KSR1: variants seen among roughly 807,000 people sequenced by gnomAD.
KSR1 encodes kinase suppressor of ras 1, also known as kinase suppressor of ras.
KSR1 carries 35 observed loss-of-function variants against 92.9 expected under a neutral mutation model. The observed-to-expected ratio is 0.38, with a 90% CI of 0.29 to 0.50. KSR1 has a LOEUF of 0.50. KSR1 is among the 20% of genes least tolerant of loss of function. The probability of loss-of-function intolerance (pLI) is 0.94; values close to 1 mark genes in which losing one functional copy is unlikely to be tolerated. For synonymous variants in KSR1, 467 were observed against 472.6 expected, an observed-to-expected ratio of 0.99 and a Z score of 0.15; for missense variants, 972 against 1,158.5, an observed-to-expected ratio of 0.84 and a Z score of 2.34.
intron 4 of KSR1, among the ~76,000 whole-genome samples, chr17:27,584,698 G>A (rs572972318): frequency 1.3e-4 from 20 of 152,286 alleles, no homozygotes; most frequent in African/African-American, 4.6e-4. Context: ...CTGGGATTCT[G>A]AGTCCAGTCC....
At chr17:27,501,065 TG>T (rs1299975372) in intron 1 of KSR1, among the ~76,000 whole-genome samples, 1 of 152,142 alleles carries the variant, frequency 6.6e-6, no homozygotes, top group African/African-American at 2.4e-5. Context: ...CCAAAGGCTG[TG>T]GGAGTCTGTA....
rs55706224 is a variant in KSR1, at chr17:27,526,094, T to TTCTTTCTTTCTTTCTTTCTCTC, written c.232-24471_232-24470insTTCTTTCTTTCTTTCTCTCTCT. On this transcript the variant is annotated intron_variant, in intron 1 of 20. Coordinates refer to ENST00000644974, the MANE Select transcript of KSR1 (RefSeq NM_001394583.1). ...TCTCTTTCTTTCTTTCTTTCTTTCT[T>TTCTTTCTTTCTTTCTTTCTCTC]TCTCTCTCTCTCTCTCTCTCTCTCA... Among the ~76,000 whole-genome samples the TTCTTTCTTTCTTTCTTTCTCTC allele has an allele frequency of 9.0e-4, 107 of 118,436 alleles. 2 individuals carry two copies. Among genetic ancestry groups the TTCTTTCTTTCTTTCTTTCTCTC allele is most frequent in the Non-Finnish European group, 1.5e-3 (88 of 59,350 alleles). The allele number at this position is 118,436 out of a possible 152,430, so 77.7% of individuals were successfully genotyped here. A position where few individuals can be genotyped will look rare whatever the true frequency, so the allele number is the denominator to read the frequency against.
chr17:27,514,004 C>T (rs572301421), intron 1 of KSR1, among the ~76,000 whole-genome samples: 10 of 152,368 alleles, frequency 6.6e-5, no homozygotes, highest in Admixed American at 2.0e-4. Flanking sequence ...CCACTGCTTG[C>T]GGTGCAGCTA....
At chr17:27,526,044 T>TTTCTTTTCTTTTCTTTCTC (rs1555576232) in intron 1 of KSR1, among the ~76,000 whole-genome samples, 3 of 122,878 alleles carry the variant, frequency 2.4e-5, no homozygotes, top group East Asian at 2.3e-4. Flanking sequence ...TTTCTTTTCT[T>TTTCTTTTCTTTTCTTTCTC]TCTCTCTCTC....
At chr17:27,604,549 G>A (rs2073683216) in intron 12 of KSR1, 131 bp from the exon 13 acceptor site, 15 of 839,996 alleles carry the variant, frequency 1.8e-5, no homozygotes, top group Admixed American at 3.9e-5. Context: ...TGCTATCCAC[G>A]CGGCCTTTCC....
chr17:27,513,219 G>A (rs192347761), intron 1 of KSR1, among the ~76,000 whole-genome samples: 33 of 152,130 alleles, frequency 2.2e-4, no homozygotes, highest in African/African-American at 7.0e-4. Flanking sequence ...TGTGTTATTC[G>A]ATTGACTGAT....
chr17:27,477,882 C>A (rs763419407), intron 1 of KSR1, among the ~76,000 whole-genome samples: 1 of 151,976 alleles, frequency 6.6e-6, no homozygotes, highest in African/African-American at 2.4e-5. Context: ...ATAGCTAATT[C>A]TTTTATTTTT....
At chr17:27,516,649 A>G (rs1035152218) in intron 1 of KSR1, among the ~76,000 whole-genome samples, 1 of 152,212 alleles carries the variant, frequency 6.6e-6, no homozygotes, top group Non-Finnish European at 1.5e-5. Context: ...AAAAATGTAT[A>G]TATAGAGAGA....
chr17:27,601,454 C>T (rs2073554617), intron 11 of KSR1, 53 bp downstream of exon 11: 2 of 1,514,780 alleles, frequency 1.3e-6, no homozygotes, highest in Admixed American at 3.4e-5. Flanking sequence ...CCCCTTCTGT[C>T]CTGCCCACCT....
Position 27,626,036 on chromosome 17 carries a change from C to T in KSR1, c.*2644C>T, listed in dbSNP as rs1276214104. ...CACCCTCTGTCATCCTACGGCATTT[C>T]CTCTTGAGGTCACAGAGAGGAATGG... On this transcript the variant is annotated 3_prime_UTR_variant, in exon 21 of 21. Coordinates refer to ENST00000644974, the MANE Select transcript of KSR1 (RefSeq NM_001394583.1). The T allele has an allele frequency of 6.6e-6, 1 of 152,256 alleles. No homozygotes were observed. The highest frequency in any genetic ancestry group is 1.5e-5 in the Non-Finnish European group (1 of 68,056). 9.4% of individuals were successfully genotyped at this position (152,256 alleles called of 1,614,324 possible). A position where few individuals can be genotyped will look rare whatever the true frequency, so the allele number is the denominator to read the frequency against.
At chr17:27,591,953 CT>C (rs1357952941) in intron 7 of KSR1, among the ~76,000 whole-genome samples, 2 of 152,236 alleles carry the variant, frequency 1.3e-5, no homozygotes, top group African/African-American at 2.4e-5. Flanking sequence ...AGGGGCTGCC[CT>C]TTGGGTCCCT....
chr17:27,542,155 T>A (rs756013784), intron 1 of KSR1, among the ~76,000 whole-genome samples: 3 of 152,142 alleles, frequency 2.0e-5, no homozygotes, highest in Non-Finnish European at 4.4e-5. Context: ...CTACTCTAAT[T>A]CCTAGCCTCT....
chr17:27,533,888 C>T (rs1040032169), intron 1 of KSR1, among the ~76,000 whole-genome samples: 2 of 152,158 alleles, frequency 1.3e-5, no homozygotes, highest in African/African-American at 4.8e-5. Flanking sequence ...GGCAGCATAC[C>T]GCCTCTCTTT....
intron 1 of KSR1, among the ~76,000 whole-genome samples, chr17:27,496,846 T>C (rs2069005008): frequency 6.6e-6 from 1 of 152,266 alleles, no homozygotes; most frequent in African/African-American, 2.4e-5. Context: ...GGCCGTGTGC[T>C]AGTGAATTTG....
intron 3 of KSR1, among the ~76,000 whole-genome samples, chr17:27,582,389 G>A (rs1009522523): frequency 6.6e-6 from 1 of 152,158 alleles, no homozygotes; most frequent in Non-Finnish European, 1.5e-5. Context: ...GTTTTGGAGC[G>A]TTTTGGATTT....
intron 1 of KSR1, among the ~76,000 whole-genome samples, chr17:27,486,863 C>G (rs568588317): frequency 4.6e-5 from 7 of 152,352 alleles, no homozygotes; most frequent in Non-Finnish European, 8.8e-5. Flanking sequence ...CTACCACTCA[C>G]TTGCTGGGCA....
intron 1 of KSR1, among the ~76,000 whole-genome samples, chr17:27,479,852 G>T (rs935799072): frequency 1.3e-5 from 2 of 152,176 alleles, no homozygotes; most frequent in Non-Finnish European, 1.5e-5. Flanking sequence ...TAACAGAGGG[G>T]TGGCGGCACC....
At chr17:27,510,647 A>G (rs898898253) in intron 1 of KSR1, among the ~76,000 whole-genome samples, 2 of 152,138 alleles carry the variant, frequency 1.3e-5, no homozygotes, top group Non-Finnish European at 2.9e-5. Flanking sequence ...ATTTGAGAGG[A>G]TTTGAGTGAG....
At chr17:27,596,617 A>G (rs2073352859) in intron 9 of KSR1, among the ~76,000 whole-genome samples, 1 of 152,214 alleles carries the variant, frequency 6.6e-6, no homozygotes, top group Admixed American at 6.5e-5. Context: ...GGCAGACCGC[A>G]CTAGCCCAAG....
Sources: allele counts gnomAD v4.1 joint callset (sites outside exome capture counted in the v4.1 genomes callset), GRCh38; gene constraint gnomAD v4.1.1; transcripts MANE v1.5; gene names NCBI Gene and HGNC (gene_info 2026-07-23, HGNC 2026-07-21).